The following DYSF variants were observed in gnomAD, a reference collection of about 807,000 sequenced individuals.
The protein encoded by DYSF is dystrophy-associated fer-1-like 1.
DYSF carries 212 observed loss-of-function variants against 274.9 expected under a neutral mutation model. That is an observed-to-expected ratio of 0.77 (90% confidence interval 0.69 to 0.86). The LOEUF is 0.86. DYSF is among the 40% of genes least tolerant of loss of function. The probability of loss-of-function intolerance (pLI) is 0.00; values close to 1 mark genes in which losing one functional copy is unlikely to be tolerated. For missense variants in DYSF, 2,666 were observed against 2,783.2 expected (o/e 0.96, Z 0.95); for synonymous variants, 1,091 against 1,078.7 (o/e 1.01, Z -0.22).
At chr2:71,454,275 A>G (rs919364082) in intron 1 of DYSF, among the ~76,000 whole-genome samples, 1 of 152,216 alleles carries the variant, frequency 6.6e-6, no homozygotes, top group African/African-American at 2.4e-5. Flanking sequence ...GGCTGGAAGG[A>G]GAGAGGTGTC....
Position 71,612,875 on chromosome 2 carries a change from T to C in DYSF, c.4387+69T>C, listed in dbSNP as rs887399045. 41 of 1,530,572 alleles carry C rather than the reference T, an allele frequency of 2.7e-5. No individual in the cohort carries two copies. The African/African-American group carries it at 5.2e-4, about 19-fold the overall frequency. 94.8% of individuals were successfully genotyped at this position (1,530,572 alleles called of 1,614,324 possible). ...CTCAGGGCCAAGCTACCCTTCCTAGTTGAGATGCATCCTGAAACCCTTCTC... is the reference window on the plus strand; with the variant it reads ...CTCAGGGCCAAGCTACCCTTCCTAGCTGAGATGCATCCTGAAACCCTTCTC... On this transcript the variant is annotated intron_variant, in intron 39 of 55. Coordinates refer to ENST00000410020, the MANE Select transcript of DYSF (RefSeq NM_001130987.2).
At chr2:71,549,223 T>A in intron 17 of DYSF, 1 of 905,496 alleles carries the variant, frequency 1.1e-6, no homozygotes, top group Non-Finnish European at 1.8e-6. Flanking sequence ...GCCACATCTG[T>A]TTCACACCCG....
Position 71,664,370 on chromosome 2 carries a change from C to T in DYSF, c.5106C>T (p.Val1702=), listed in dbSNP as rs778238756. The T allele has an allele frequency of 2.3e-5, 37 of 1,614,066 alleles. No homozygotes were observed. Among genetic ancestry groups the T allele is most frequent in the South Asian group, 1.3e-4 (12 of 91,060 alleles). ...AGGACGAAAAGATCGGTGAGACGGTCGTCGACCTGGAGAACAGGCTGCTGT... is the reference window on the plus strand; with the variant it reads ...AGGACGAAAAGATCGGTGAGACGGTTGTCGACCTGGAGAACAGGCTGCTGT... ...LSKDEKIGET[V]VDLENRLLSK... The change falls in exon 46 of 56, where the codon GTC becomes GTT. Residue 1702 remains valine (V), a synonymous_variant. Transcript: ENST00000410020.
At position 71,569,882 on chromosome 2, in the gene DYSF, C is replaced by G; in HGVS notation, c.2927C>G (p.Thr976Ser). 2 of 1,614,160 alleles carry G rather than the reference C, an allele frequency of 1.2e-6. No individual in the cohort carries two copies. Among genetic ancestry groups the G allele is most frequent in the South Asian group, 1.1e-5 (1 of 91,062 alleles). ...GTGGAAGAGGTGTTTGAGAACCAGA[C>G]CCGGCTTCCCGGAGGCCAGTGGATC... ...SFVEEVFENQ[T>S]RLPGGQWIYM... is the part of the protein sequence containing the mutation. The change falls in exon 27 of 56, where the codon ACC becomes AGC. Residue 976 changes from threonine to serine, a missense_variant. Physicochemically the swap from Thr to Ser is moderately conservative, Grantham distance 58. Coordinates refer to ENST00000410020, the MANE Select transcript of DYSF (RefSeq NM_001130987.2).
At chr2:71,548,801 G>A (rs993998850) in intron 17 of DYSF, among the ~76,000 whole-genome samples, 1 of 145,708 alleles carries the variant, frequency 6.9e-6, no homozygotes. Flanking sequence ...GGAGCCTTCA[G>A]GGGGGTGATC....
Position 71,616,621 on chromosome 2 carries a change from A to C in DYSF, c.4464+3211A>C, listed in dbSNP as rs1423258754. On this transcript the variant is annotated intron_variant, in intron 40 of 55. Coordinates refer to ENST00000410020, the MANE Select transcript of DYSF (RefSeq NM_001130987.2). ...TGAGGGCAGGCCTGGGTGTGTCCTC[A>C]CACAGGGAGAGCAGAAGTGTCCTAT... is the stretch of plus-strand genomic sequence containing the variant. Among the ~76,000 whole-genome samples, 3 of 152,176 alleles carry C rather than the reference A, an allele frequency of 2.0e-5. No individual in the cohort carries two copies. The East Asian group carries it at 5.8e-4, about 29-fold the overall frequency.
intron 14 of DYSF, among the ~76,000 whole-genome samples, chr2:71,532,677 C>T (rs2088866136): frequency 1.3e-5 from 2 of 152,110 alleles, no homozygotes; most frequent in East Asian, 1.9e-4. Flanking sequence ...TGAAGTAGCC[C>T]GTGTGCATCC....
chr2:71,618,457 TGTG>T (rs2093989502), intron 40 of DYSF, among the ~76,000 whole-genome samples: 3 of 4,774 alleles, frequency 6.3e-4, no homozygotes, highest in East Asian at 0.013. Context: ...GAGGTGGGGT[TGTG>T]TGTGTGTGGT....
intron 29 of DYSF, among the ~76,000 whole-genome samples, chr2:71,571,785 ATCACACCCAGCACACACAGC>A (rs2092481156): frequency 1.8e-5 from 2 of 111,828 alleles, no homozygotes; most frequent in Non-Finnish European, 3.5e-5. Context: ...ACACACACAG[ATCACACCCAGCACACACAGC>A]TCACACCCAG....
At chr2:71,515,582 C>T in intron 7 of DYSF, 41 bp from the exon 8 acceptor site, 1 of 1,613,872 alleles carries the variant, frequency 6.2e-7, no homozygotes, top group Non-Finnish European at 8.5e-7. Context: ...GTCCTTAACT[C>T]TTCCCCCTTC....
At chr2:71,612,332 C>T (rs941732439) in intron 38 of DYSF, among the ~76,000 whole-genome samples, 5 of 152,264 alleles carry the variant, frequency 3.3e-5, no homozygotes, top group East Asian at 3.9e-4. Context: ...TGTTGAGTCC[C>T]GGGCCAACTC....
chr2:71,494,586 G>A (rs2084191158), intron 3 of DYSF, among the ~76,000 whole-genome samples: 1 of 152,196 alleles, frequency 6.6e-6, no homozygotes, highest in Non-Finnish European at 1.5e-5. Context: ...TACCAGGCTA[G>A]GCTGTGTGAG....
At chr2:71,455,833 A>G (rs1057449322) in intron 1 of DYSF, among the ~76,000 whole-genome samples, 3 of 152,038 alleles carry the variant, frequency 2.0e-5, no homozygotes, top group African/African-American at 7.2e-5. Flanking sequence ...CCTGAACCAG[A>G]TTTTCTTCCA....
chr2:71,585,625 C>T (rs563858726), intron 30 of DYSF, among the ~76,000 whole-genome samples: 81 of 152,254 alleles, frequency 5.3e-4, no homozygotes, highest in African/African-American at 1.7e-3. Flanking sequence ...CCCACCGGGC[C>T]GGCCTGTGTC....
At chr2:71,466,551 T>C, upstream of DYSF, 2 of 744,476 alleles carry the variant, frequency 2.7e-6, no homozygotes, top group Non-Finnish European at 1.6e-6. Context: ...CCCGCGGAGC[T>C]AGGGACCAGC....
At chr2:71,453,773 G>A (rs1220052513) in exon 1 of DYSF, 21 of 589,448 alleles carry the variant, frequency 3.6e-5, no homozygotes, top group Non-Finnish European at 6.4e-5. Context: ...CTGACAAGCG[G>A]GGTGAGCGCA....
chr2:71,574,110 G>A, intron 29 of DYSF, 88 bp from the exon 30 acceptor site: 1 of 1,530,076 alleles, frequency 6.5e-7, no homozygotes, highest in South Asian at 1.1e-5. Context: ...GAGTTGTCAT[G>A]GAAGACAGGA....
At chr2:71,660,143 C>A (rs1219832150) in intron 44 of DYSF, among the ~76,000 whole-genome samples, 1 of 152,226 alleles carries the variant, frequency 6.6e-6, no homozygotes, top group African/African-American at 2.4e-5. Context: ...TTCCAGGAAG[C>A]ATGGAGGGAG....
At chr2:71,485,878 T>A (rs4303738) in intron 3 of DYSF, among the ~76,000 whole-genome samples, 18,580 of 152,100 alleles carry the variant, frequency 0.12, 1,285 homozygotes, top group Admixed American at 0.2. Flanking sequence ...CAGTGGTACG[T>A]TCTTGGCTCA....
Sources: gnomAD v4.1 joint callset for allele counts (sites outside exome capture counted in the v4.1 genomes callset) on GRCh38, gnomAD v4.1.1 for gene constraint, MANE v1.5 for transcripts, NCBI Gene and HGNC (gene_info 2026-07-23, HGNC 2026-07-21) for gene names.